The following STK11 variants were observed in gnomAD, a reference collection of about 807,000 sequenced individuals.
STK11 encodes the protein serine/threonine kinase 11.
STK11 carries 8 observed loss-of-function variants against 47.3 expected under a neutral mutation model. The observed-to-expected ratio is 0.17, with a 90% CI of 0.10 to 0.31. The LOEUF (loss-of-function observed/expected upper bound fraction) is 0.31. Among genes scored for constraint, STK11 ranks in the 10% least tolerant of loss-of-function variants. The probability of loss-of-function intolerance (pLI) is 1.00; values close to 1 mark genes in which losing one functional copy is unlikely to be tolerated. For synonymous variants in STK11, 330 were observed against 255.8 expected (o/e 1.29, Z -2.77); for missense variants, 475 against 605.0 (o/e 0.79, Z 2.25).
chr19:1,226,184 G>C, intron 8 of STK11: 1 of 1,317,618 alleles, frequency 7.6e-7, no homozygotes, highest in South Asian at 1.9e-5. Context: ...TACCTGGGTG[G>C]GGTCCCACCT....
At position 1,205,838 on chromosome 19, in the gene STK11, C is replaced by T. The variant is rs894214583; in HGVS notation, c.-1076C>T. On this transcript the variant is annotated 5_prime_UTR_variant, in exon 1 of 10. Transcript: ENST00000326873. ...GAAGGGGGAGGCGGCCCGGGGCGCC[C>T]GCGAGTGAGGCGCGGGGCGGCGAAG... 9.7e-6 allele frequency: 2 copies of T among 206,490 alleles called. No individual in the cohort carries two copies. Among genetic ancestry groups the T allele is most frequent in the Admixed American group, 6.0e-5 (1 of 16,790 alleles). 12.8% of individuals were successfully genotyped at this position (206,490 alleles called of 1,614,324 possible).
At chr19:1,222,137 G>A (rs1451890458) in intron 7 of STK11, 131 bp downstream of exon 7, 17 of 1,119,294 alleles carry the variant, frequency 1.5e-5, no homozygotes, top group Admixed American at 1.0e-4. Flanking sequence ...CCCGTGCAGC[G>A]CCCGCAGTTC....
intron 8 of STK11, 64 bp downstream of exon 8, chr19:1,223,236 G>A (rs2145431705): frequency 1.9e-6 from 3 of 1,543,232 alleles, no homozygotes; most frequent in Non-Finnish European, 2.6e-6. Context: ...ACGGGAGCAG[G>A]GTGCCTGCCT....
At chr19:1,223,978 G>C in intron 8 of STK11, 1 of 1,009,470 alleles carries the variant, frequency 9.9e-7, no homozygotes, top group East Asian at 7.1e-5. Context: ...CTGAGAAGGG[G>C]GGTACGCCAG....
intron 6 of STK11, 197 bp downstream of exon 6, chr19:1,221,537 T>C (rs1347923188): frequency 5.8e-6 from 5 of 863,044 alleles, no homozygotes; most frequent in Admixed American, 3.0e-5. Flanking sequence ...CTGGGCCCTG[T>C]TCACCCTCCG....
chr19:1,223,304 C>T (rs1441875508), intron 8 of STK11, 132 bp downstream of exon 8: 5 of 1,136,714 alleles, frequency 4.4e-6, no homozygotes. Context: ...CCCAAAGCCT[C>T]CAGCCCACCT....
Position 1,206,361 on chromosome 19 carries a change from C to T in STK11, c.-553C>T, listed in dbSNP as rs748449317. The T allele has an allele frequency of 8.6e-6, 2 of 231,870 alleles. No homozygotes were observed. The highest frequency in any genetic ancestry group is 6.1e-5 in the East Asian group (1 of 16,518). The allele number at this position is 231,870 out of a possible 1,614,324, so 14.4% of individuals were successfully genotyped here. On this transcript the variant is annotated 5_prime_UTR_variant, in exon 1 of 10. Transcript: ENST00000326873. ...TCGGTCGTCCGCGGCGGAGCGTTTG[C>T]TCCTGGGACAGGCGGTGGGACCGGG...
chr19:1,226,730 G>C (rs897649183), intron 9 of STK11, 67 bp downstream of exon 9: 1 of 1,427,456 alleles, frequency 7.0e-7, no homozygotes, highest in Non-Finnish European at 9.2e-7. Flanking sequence ...CCAGCCGTGA[G>C]CATAGCCCGC....
intron 2 of STK11, 44 bp from the exon 3 acceptor site, chr19:1,219,278 CTG>C (rs1568705133): frequency 6.4e-7 from 1 of 1,551,498 alleles, no homozygotes; most frequent in Non-Finnish European, 8.7e-7. Flanking sequence ...CTCCCTGGGC[CTG>C]TGAGTGGGGC....
Position 1,227,631 on chromosome 19 carries a change from CCT to C in STK11, c.*57_*58del. On this transcript the variant is annotated 3_prime_UTR_variant, in exon 10 of 10. Coordinates refer to ENST00000326873, the MANE Select transcript of STK11 (RefSeq NM_000455.5). Reference sequence around the variant, plus strand: ...GCCCCGCCAGGTGCCCGCGCCAGGCCCTCAGTCTTCCTGCCGGTTCCGCCCGC... The same window carrying C: ...GCCCCGCCAGGTGCCCGCGCCAGGCCCAGTCTTCCTGCCGGTTCCGCCCGC... The C allele has an allele frequency of 9.4e-7, 1 of 1,067,220 alleles. No individual in the cohort carries two copies. The highest frequency in any genetic ancestry group is 1.1e-6 in the Non-Finnish European group (1 of 880,540). The allele number at this position is 1,067,220 out of a possible 1,614,324, so 66.1% of individuals were successfully genotyped here.
chr19:1,226,450 C>T lies in STK11; in HGVS notation c.1109-4C>T, dbSNP rs1407794756. 3.7e-6 allele frequency: 6 copies of T among 1,609,910 alleles called. No homozygotes were observed. In the Admixed American group the frequency reaches 6.7e-5, roughly 18 times the overall value. On this transcript the variant is annotated splice_region_variant and splice_polypyrimidine_tract_variant and intron_variant, in intron 8 of 9. Coordinates refer to ENST00000326873, the MANE Select transcript of STK11 (RefSeq NM_000455.5). ...TCAGGCCACACTTGCCGTCTCCCTCCCAGGACAGGTCCCAGAAGAGGAGGC... is the reference window on the plus strand; with the variant it reads ...TCAGGCCACACTTGCCGTCTCCCTCTCAGGACAGGTCCCAGAAGAGGAGGC...
intron 8 of STK11, chr19:1,225,227 C>T: frequency 1.0e-6 from 1 of 985,356 alleles, no homozygotes; most frequent in Non-Finnish European, 1.2e-6. Flanking sequence ...TGGGCCCAAG[C>T]TCAGACCTAT....
In STK11 at chr19:1,206,498, C is replaced by T. The variant is rs902533969; in HGVS notation, c.-416C>T. The T allele has an allele frequency of 2.3e-5, 6 of 258,140 alleles. No homozygotes were observed. The highest frequency in any genetic ancestry group is 8.7e-5 in the African/African-American group (4 of 45,904). 16.0% of individuals were successfully genotyped at this position (258,140 alleles called of 1,614,324 possible). A position where few individuals can be genotyped will look rare whatever the true frequency, so the allele number is the denominator to read the frequency against. ...GATGGGCGGCCCGGAGAAGACTGCG[C>T]TCGGCCGTGTTCATACTTGTCCGTG... is the stretch of plus-strand genomic sequence containing the variant. On this transcript the variant is annotated 5_prime_UTR_variant, in exon 1 of 10. Transcript: ENST00000326873.
chr19:1,222,567 G>A (rs939010887), intron 7 of STK11, among the ~76,000 whole-genome samples: 10 of 152,188 alleles, frequency 6.6e-5, no homozygotes, highest in African/African-American at 2.4e-4. Flanking sequence ...CCCCTGAGGC[G>A]CTGGTGCTGA....
At chr19:1,218,028 C>T (rs2080755776) in intron 1 of STK11, among the ~76,000 whole-genome samples, 1 of 152,142 alleles carries the variant, frequency 6.6e-6, no homozygotes, top group African/African-American at 2.4e-5. Flanking sequence ...CCTGTAGTCC[C>T]AGCTACTCGG....
At chr19:1,222,813 G>A (rs563402326) in intron 7 of STK11, among the ~76,000 whole-genome samples, 172 bp from the exon 8 acceptor site, 1 of 152,334 alleles carries the variant, frequency 6.6e-6, no homozygotes, top group African/African-American at 2.4e-5. Flanking sequence ...AGGTCAGCCT[G>A]CCTGCTCCTA....
At chr19:1,223,504 G>C in intron 8 of STK11, 1 of 924,188 alleles carries the variant, frequency 1.1e-6, no homozygotes, top group Non-Finnish European at 1.4e-6. Context: ...CCAGGGTCGG[G>C]GGAGGGTAGG....
intron 1 of STK11, among the ~76,000 whole-genome samples, chr19:1,210,679 A>T (rs944146536): frequency 1.3e-5 from 2 of 150,796 alleles, no homozygotes; most frequent in Admixed American, 1.3e-4. Flanking sequence ...CCTGACCAAC[A>T]TGGTGAAACC....
intron 1 of STK11, among the ~76,000 whole-genome samples, chr19:1,210,593 G>C (rs1006658001): frequency 5.3e-5 from 8 of 152,366 alleles, no homozygotes; most frequent in African/African-American, 1.9e-4. Flanking sequence ...AAGAGGGCTG[G>C]GCATGTTCGG....
Sources: gnomAD v4.1 joint callset for allele counts (sites outside exome capture counted in the v4.1 genomes callset) on GRCh38, gnomAD v4.1.1 for gene constraint, MANE v1.5 for transcripts, NCBI Gene and HGNC (gene_info 2026-07-23, HGNC 2026-07-21) for gene names.